Variants in PPM1F observed in about 807,000 individuals in gnomAD.
The protein encoded by PPM1F is protein phosphatase, Mg2+/Mn2+ dependent 1F, also known as protein phosphatase 1F.
A neutral mutation model predicts 35.5 loss-of-function variants in PPM1F; 17 were observed. The ratio of observed to expected loss-of-function variants is 0.48; its 90% CI spans 0.33 to 0.72. The LOEUF (loss-of-function observed/expected upper bound fraction) is 0.72. PPM1F is among the 30% of genes least tolerant of loss of function. The pLI is 0.02. For missense variants in PPM1F, 521 were observed against 613.0 expected, an observed-to-expected ratio of 0.85 and a Z score of 1.59; for synonymous variants, 241 against 255.5, an observed-to-expected ratio of 0.94 and a Z score of 0.54.
chr22:21,938,050 C>G lies in PPM1F; in HGVS notation c.355+1482G>C, dbSNP rs1601786937. 2.4e-6 allele frequency: 3 copies of G among 1,230,372 alleles called. No homozygotes were observed. In the East Asian group the frequency reaches 1.8e-4, roughly 73 times the overall value. The allele number at this position is 1,230,372 out of a possible 1,614,324, so 76.2% of individuals were successfully genotyped here. A position where few individuals can be genotyped will look rare whatever the true frequency, so the allele number is the denominator to read the frequency against. On this transcript the variant is annotated intron_variant, in intron 3 of 7. Transcript: ENST00000263212. ...CGTGACAGGGAGAGCATGATCAAGG[C>G]CGCTAGGCAGGCCTGCATGCGAGGC... is the stretch of plus-strand genomic sequence containing the variant.
chr22:21,948,438 A>AT (rs2070801106), intron 1 of PPM1F: 1 of 152,294 alleles, frequency 6.6e-6, no homozygotes, highest in Non-Finnish European at 1.5e-5. Flanking sequence ...AGAAATGAGC[A>AT]GAGGCTGGGA....
rs151248105 is a variant in PPM1F at position 21,929,039 on chromosome 22, G to A, written c.891+2109C>T. On this transcript the variant is annotated intron_variant, in intron 6 of 7. Transcript: ENST00000263212. ...GCCGCAGAACAAGGCAGAGCACCAC[G>A]CACTCCCCCCACGTACTCCTGGAAG... is the stretch of plus-strand genomic sequence containing the variant. Among the ~76,000 whole-genome samples, 375 of 152,306 alleles carry A rather than the reference G, an allele frequency of 2.5e-3. 2 individuals carry two copies. The highest frequency in any genetic ancestry group is 3.1e-3 in the Non-Finnish European group (210 of 68,016).
intron 1 of PPM1F, chr22:21,947,790 A>C (rs2070792059): frequency 6.6e-6 from 1 of 152,220 alleles, no homozygotes. Context: ...CAGGGAGCTC[A>C]CAGCCCACAA....
At chr22:21,938,309 G>C (rs1429449332) in intron 3 of PPM1F, 81 of 1,227,816 alleles carry the variant, frequency 6.6e-5, no homozygotes, top group Non-Finnish European at 8.0e-5. Context: ...CGGAGGAGCA[G>C]CAGCTGCCAC....
At position 21,923,421 on chromosome 22, in the gene PPM1F, G is replaced by A. The variant is rs114630807; in HGVS notation, c.1036C>T (p.Arg346Trp). 2.4e-5 allele frequency: 39 copies of A among 1,613,336 alleles called. No individual in the cohort carries two copies. The African/African-American group carries it at 3.5e-4, about 14-fold the overall frequency. Residue 346 changes from arginine (R) to tryptophan (W), a missense_variant, in exon 8 of 8, where the codon CGG (arginine) becomes TGG (tryptophan). Arg to Trp is a moderately radical substitution (Grantham distance 101). This residue lies in a region of PPM1F where 163 missense variants were observed against 169.6 expected (regional missense o/e 0.96). Transcript: ENST00000263212. ...YVSGEADAAS[R>W]ALTGSEDYLL... is the part of the protein sequence containing the mutation. ...TAGTCCTCGGAGCCCGTCAGCGCCC[G>A]GGAAGCTGCATCGGCCTCCCCAGAC...
At position 21,945,862 on chromosome 22, in the gene PPM1F, T is replaced by A; in HGVS notation, c.187A>T (p.Met63Leu). Residue 63 changes from methionine (M) to leucine (L), a missense_variant, in exon 2 of 8, where the codon ATG becomes TTG. Met to Leu is a conservative substitution (Grantham distance 15). Transcript: ENST00000263212. ...GCCTACCTGCTGCCCAGAAAGCCCA[T>A]GGCCAGCTCAGCCAGCTCGCCCTCC... ...EVEGELAELA[M>L]GFLGSRKAPP... The A allele has an allele frequency of 1.9e-6, 3 of 1,611,054 alleles. No homozygotes were observed. Among genetic ancestry groups the A allele is most frequent in the Non-Finnish European group, 1.7e-6 (2 of 1,179,818 alleles).
chr22:21,951,794 G>C (rs2070841686), intron 1 of PPM1F: 1 of 152,238 alleles, frequency 6.6e-6, no homozygotes, highest in Non-Finnish European at 1.5e-5. Context: ...ATAGGTTATA[G>C]GAGGGCAAGC....
chr22:21,926,035 T>C (rs969114285), intron 6 of PPM1F: 19 of 209,920 alleles, frequency 9.1e-5, no homozygotes, highest in African/African-American at 3.4e-4. Flanking sequence ...GTCTCTGCCC[T>C]GAAAGCTGCT....
At chr22:21,926,325 G>A (rs1016685745) in intron 6 of PPM1F, among the ~76,000 whole-genome samples, 14 of 151,908 alleles carry the variant, frequency 9.2e-5, no homozygotes, top group Admixed American at 7.2e-4. Flanking sequence ...ATGGAGACAG[G>A]GTTTCTCAAA....
Position 21,946,418 on chromosome 22 carries a change from G to A in PPM1F, c.-60-310C>T, listed in dbSNP as rs188147260. 289 of 178,654 alleles carry A rather than the reference G, an allele frequency of 1.6e-3. 1 individual carries two copies. Among genetic ancestry groups the A allele is most frequent in the African/African-American group, 6.4e-3 (271 of 42,514 alleles). The allele number at this position is 178,654 out of a possible 1,614,324, so 11.1% of individuals were successfully genotyped here. On this transcript the variant is annotated intron_variant, in intron 1 of 7. Coordinates refer to ENST00000263212, the MANE Select transcript of PPM1F (RefSeq NM_014634.4). ...CAGAGACGAGCAGGACAGGGATGCC[G>A]AGGCCAGGCACTGAGGTAGGTGAGG...
intron 4 of PPM1F, 35 bp downstream of exon 4, chr22:21,933,989 G>A (rs750604787): frequency 9.0e-5 from 137 of 1,515,044 alleles, no homozygotes; most frequent in Middle Eastern, 4.6e-4. Context: ...CCGGTCCTCC[G>A]AAGCTGTCCC....
At chr22:21,947,497 T>TA (rs1257611341) in intron 1 of PPM1F, 1 of 152,168 alleles carries the variant, frequency 6.6e-6, no homozygotes, top group Non-Finnish European at 1.5e-5. Context: ...CCTACACAGT[T>TA]ACTAAGCCAG....
chr22:21,929,397 A>C (rs1402584883), intron 6 of PPM1F, among the ~76,000 whole-genome samples: 2 of 152,148 alleles, frequency 1.3e-5, no homozygotes, highest in African/African-American at 2.4e-5. Flanking sequence ...TCCTTACCCC[A>C]AACCTCCAGG....
At chr22:21,950,499 A>G (rs1439016161) in intron 1 of PPM1F, 2 of 152,206 alleles carry the variant, frequency 1.3e-5, no homozygotes, top group Non-Finnish European at 2.9e-5. Flanking sequence ...GGACATAGAA[A>G]AAATACTTGT....
At chr22:21,927,898 C>T (rs994374178) in intron 6 of PPM1F, among the ~76,000 whole-genome samples, 3 of 151,388 alleles carry the variant, frequency 2.0e-5, no homozygotes, top group Non-Finnish European at 4.4e-5. Context: ...TCCCATTCCC[C>T]CTGAGTCTCC....
intron 2 of PPM1F, chr22:21,944,599 C>A (rs1321429884): frequency 6.6e-6 from 1 of 152,176 alleles, no homozygotes; most frequent in Non-Finnish European, 1.5e-5. Flanking sequence ...CAGCAAGGGA[C>A]TAGGTTCACA....
intron 6 of PPM1F, among the ~76,000 whole-genome samples, chr22:21,928,924 T>C (rs942766044): frequency 6.6e-6 from 1 of 152,190 alleles, no homozygotes; most frequent in Non-Finnish European, 1.5e-5. Context: ...TCCTGTGTTA[T>C]CTCACTGCCT....
intron 1 of PPM1F, chr22:21,950,433 T>C (rs565145993): frequency 6.6e-5 from 10 of 152,188 alleles, no homozygotes; most frequent in African/African-American, 2.4e-4. Context: ...TCTAGTGCAT[T>C]AGTTTTGACT....
intron 1 of PPM1F, 81 bp from the exon 2 acceptor site, chr22:21,946,189 G>A: frequency 1.6e-6 from 1 of 639,566 alleles, no homozygotes; most frequent in South Asian, 2.3e-5. Context: ...GCACCATGTG[G>A]CAGGTGCATG....
Sources: allele counts gnomAD v4.1 joint callset (sites outside exome capture counted in the v4.1 genomes callset), GRCh38; gene constraint gnomAD v4.1.1; regional missense constraint gnomAD v4.1.1; transcripts MANE v1.5; gene names NCBI Gene and HGNC (gene_info 2026-07-23, HGNC 2026-07-21).